Variants in PRELID2 observed in about 807,000 individuals in gnomAD.
The protein encoded by PRELID2 is PRELI domain-containing protein 2.
Under a neutral mutation model 28.4 loss-of-function variants are expected in PRELID2, and 25 were observed. The ratio of observed to expected loss-of-function variants is 0.88; its 90% CI spans 0.64 to 1.23. The LOEUF is 1.23. Among genes scored for constraint, PRELID2 ranks in the 50% most tolerant of loss-of-function variants. PRELID2 has a pLI of 0.00. For missense variants in PRELID2, 201 were observed against 214.4 expected, an observed-to-expected ratio of 0.94 and a Z score of 0.39; for synonymous variants, 76 against 71.6, an observed-to-expected ratio of 1.06 and a Z score of -0.31.
intron 6 of PRELID2, among the ~76,000 whole-genome samples, chr5:145,761,972 T>G (rs536393148): frequency 6.6e-6 from 1 of 152,036 alleles, no homozygotes; most frequent in East Asian, 1.9e-4. Context: ...GTAAAAACAG[T>G]CAAGAAAATG....
At chr5:145,557,760 C>T (rs1316516692) in intron 1 of PRELID2, among the ~76,000 whole-genome samples, 7 of 152,168 alleles carry the variant, frequency 4.6e-5, no homozygotes, top group African/African-American at 4.8e-5. Flanking sequence ...GTTTTACAAA[C>T]GAGAAAACTG....
intron 1 of PRELID2, among the ~76,000 whole-genome samples, chr5:145,738,156 C>A (rs951245611): frequency 6.6e-6 from 1 of 152,126 alleles, no homozygotes; most frequent in East Asian, 1.9e-4. Flanking sequence ...GAGTGGGAAC[C>A]TTTATCTCCA....
chr5:145,831,915 A>G (rs550604939), intron 1 of PRELID2, among the ~76,000 whole-genome samples: 1 of 152,346 alleles, frequency 6.6e-6, no homozygotes, highest in South Asian at 2.1e-4. Context: ...CCTCAGCTAT[A>G]CCACACAGCA....
At chr5:145,504,349 G>C (rs1038784306) in intron 1 of PRELID2, among the ~76,000 whole-genome samples, 1 of 152,136 alleles carries the variant, frequency 6.6e-6, no homozygotes, top group Admixed American at 6.6e-5. Flanking sequence ...TAGAGTAACT[G>C]GCCCATAGTA....
At chr5:145,512,341 G>A (rs1352926137) in intron 1 of PRELID2, among the ~76,000 whole-genome samples, 16 of 152,302 alleles carry the variant, frequency 1.1e-4, no homozygotes, top group Non-Finnish European at 1.5e-5. Flanking sequence ...CACTTGGGAA[G>A]TGCGCGGTTT....
At chr5:145,803,428 A>G (rs1393763492) in intron 4 of PRELID2, among the ~76,000 whole-genome samples, 2 of 152,142 alleles carry the variant, frequency 1.3e-5, no homozygotes, top group Admixed American at 1.3e-4. Context: ...CTATATATAC[A>G]TATACATGCC....
At chr5:145,364,302 C>G in the PRELID2 span, among the ~76,000 whole-genome samples, 1 of 151,920 alleles carries the variant, frequency 6.6e-6, no homozygotes, top group East Asian at 1.9e-4. Flanking sequence ...TTTTTGGCAT[C>G]TGGGGGATGC....
the PRELID2 span, among the ~76,000 whole-genome samples, chr5:145,367,524 G>T: frequency 1.6e-4 from 25 of 151,892 alleles, no homozygotes; most frequent in East Asian, 4.3e-3. Flanking sequence ...TATAGGTTTG[G>T]ACAAATTTAT....
intron 1 of PRELID2, among the ~76,000 whole-genome samples, chr5:145,829,637 C>T (rs1280390635): frequency 2.0e-5 from 3 of 152,266 alleles, no homozygotes; most frequent in African/African-American, 4.8e-5. Flanking sequence ...GGGCTAACAG[C>T]GCTCCATCCC....
chr5:145,251,269 A>G, the PRELID2 span, among the ~76,000 whole-genome samples: 3 of 152,160 alleles, frequency 2.0e-5, no homozygotes, highest in South Asian at 6.2e-4. Flanking sequence ...ATTGCTGAGC[A>G]TAGTAAATTA....
chr5:145,382,106 A>T, the PRELID2 span, among the ~76,000 whole-genome samples: 6 of 152,042 alleles, frequency 3.9e-5, no homozygotes, highest in African/African-American at 1.2e-4. Flanking sequence ...AACACTTAAA[A>T]ACTATACCAG....
rs79255272 is a variant in PRELID2 at position 145,665,986 on chromosome 5, T to TAAA, written n.70+98942_70+98944dup. ...AAAAATAGCAAACTTGTCTTTTTTTTAAAAAAAAAAAAAAAAGAAAGAAAG... is the reference window on the plus strand; with the variant it reads ...AAAAATAGCAAACTTGTCTTTTTTTTAAAAAAAAAAAAAAAAAAAGAAAGAAAG... On this transcript the variant is annotated intron_variant and non_coding_transcript_variant, in intron 1 of 2. Coordinates refer to the PRELID2 transcript ENST00000510259. Among the ~76,000 whole-genome samples, 400 of 138,214 alleles carry TAAA rather than the reference T, an allele frequency of 2.9e-3. 3 individuals are homozygous for TAAA. Among genetic ancestry groups the TAAA allele is most frequent in the African/African-American group, 8.0e-3 (303 of 38,068 alleles). 90.7% of individuals were successfully genotyped at this position (138,214 alleles called of 152,430 possible).
chr5:145,479,227 C>T (rs371755701), intron 1 of PRELID2, among the ~76,000 whole-genome samples: 99 of 152,290 alleles, frequency 6.5e-4, no homozygotes, highest in African/African-American at 2.3e-3. Context: ...ATCAGAGAGA[C>T]AGATTTGAGC....
chr5:145,298,123 A>C, the PRELID2 span, among the ~76,000 whole-genome samples: 1 of 152,144 alleles, frequency 6.6e-6, no homozygotes, highest in Admixed American at 6.6e-5. Flanking sequence ...AAACTACTTT[A>C]AAGTTCATAT....
Position 145,757,017 on chromosome 5 carries a change from C to A in PRELID2, c.*3519G>T, listed in dbSNP as rs541480283. On this transcript the variant is annotated 3_prime_UTR_variant, in exon 7 of 7. Coordinates refer to ENST00000683046, the MANE Select transcript of PRELID2 (RefSeq NM_205846.3). ...ACGACTCTGAAAAGATTTAATTATCCCCAGTAGACTGTGTTTGCAAAAGCA... is the reference window on the plus strand; with the variant it reads ...ACGACTCTGAAAAGATTTAATTATCACCAGTAGACTGTGTTTGCAAAAGCA... 2.6e-5 allele frequency among the ~76,000 whole-genome samples: 4 copies of A among 152,134 alleles called. No homozygotes were observed. In the East Asian group the frequency reaches 7.7e-4, roughly 29 times the overall value.
intron 1 of PRELID2, among the ~76,000 whole-genome samples, chr5:145,694,753 G>A (rs139438720): frequency 5.5e-4 from 84 of 151,506 alleles, no homozygotes; most frequent in Middle Eastern, 6.8e-3. Context: ...CAAAAATCAC[G>A]CTTTCATATT....
intron 1 of PRELID2, among the ~76,000 whole-genome samples, chr5:145,692,599 A>G (rs1755173256): frequency 6.6e-6 from 1 of 152,224 alleles, no homozygotes; most frequent in African/African-American, 2.4e-5. Context: ...AACACTTTTT[A>G]TACTACAAAA....
intron 1 of PRELID2, among the ~76,000 whole-genome samples, chr5:145,748,297 C>G (rs1561572301): frequency 1.3e-5 from 2 of 151,386 alleles, no homozygotes; most frequent in African/African-American, 4.8e-5. Flanking sequence ...TGATAAGCAA[C>G]TTCAGCAAAA....
chr5:145,696,850 T>C (rs1269953013), intron 1 of PRELID2, among the ~76,000 whole-genome samples: 2 of 151,612 alleles, frequency 1.3e-5, no homozygotes, highest in Non-Finnish European at 2.9e-5. Context: ...ATAAAAGAAT[T>C]AATTCTTTAA....
Sources: allele counts gnomAD v4.1 joint callset (sites outside exome capture counted in the v4.1 genomes callset), GRCh38; gene constraint gnomAD v4.1.1; transcripts MANE v1.5; gene names NCBI Gene and HGNC (gene_info 2026-07-23, HGNC 2026-07-21).